TMEM11: variants seen among roughly 807,000 people sequenced by gnomAD.
The protein encoded by TMEM11 is transmembrane protein 11, mitochondrial.
TMEM11 carries 1 observed loss-of-function variant against 17.0 expected under a neutral mutation model. The observed-to-expected ratio is 0.06, with a 90% CI of 0.02 to 0.28. TMEM11 has a LOEUF of 0.28. Among genes scored for constraint, TMEM11 ranks in the 10% least tolerant of loss-of-function variants. The pLI is 1.00. For synonymous variants in TMEM11, 122 were observed against 118.1 expected (o/e 1.03, Z -0.21); for missense variants, 172 against 252.9 (o/e 0.68, Z 2.17).
chr17:21,203,106 G>A (rs930361780), intron 1 of TMEM11, among the ~76,000 whole-genome samples: 3 of 152,354 alleles, frequency 2.0e-5, no homozygotes, highest in Admixed American at 2.0e-4. Context: ...TAGGCAAAGG[G>A]AATCTCGGTT....
In TMEM11 at chr17:21,198,867, A is replaced by G. The variant is rs1974849271; in HGVS notation, c.63-27T>C. Reference sequence around the variant, plus strand: ...TTTTGATGGAGGGGGCAGGAAAGGGAGAGAGAGAGAGAGACAGGATGATTA... The same window carrying G: ...TTTTGATGGAGGGGGCAGGAAAGGGGGAGAGAGAGAGAGACAGGATGATTA... On this transcript the variant is annotated intron_variant, in intron 1 of 1. Transcript: ENST00000317635. The surrounding 1 kb of genome is among the most constrained non-coding windows in gnomAD (Gnocchi z 6.5). 2 of 1,271,208 alleles carry G rather than the reference A, an allele frequency of 1.6e-6. No homozygotes were observed. The highest frequency in any genetic ancestry group is 2.1e-6 in the Non-Finnish European group (2 of 950,086). 78.7% of individuals were successfully genotyped at this position (1,271,208 alleles called of 1,614,324 possible). A position where few individuals can be genotyped will look rare whatever the true frequency, so the allele number is the denominator to read the frequency against.
intron 1 of TMEM11, among the ~76,000 whole-genome samples, chr17:21,209,937 G>A (rs913251029): frequency 6.6e-6 from 1 of 152,204 alleles, no homozygotes; most frequent in Admixed American, 6.5e-5. Flanking sequence ...AGCTTTTCCT[G>A]AGAACTGTGC....
chr17:21,206,609 G>A (rs1393190721), intron 1 of TMEM11, among the ~76,000 whole-genome samples: 1 of 151,470 alleles, frequency 6.6e-6, no homozygotes, highest in African/African-American at 2.4e-5. Flanking sequence ...CAATCTCGGA[G>A]CACTGCAACC....
intron 1 of TMEM11, among the ~76,000 whole-genome samples, chr17:21,206,542 A>G (rs562139473): frequency 7.2e-5 from 11 of 151,804 alleles, no homozygotes; most frequent in South Asian, 2.1e-4. Flanking sequence ...TTATTTGTTT[A>G]TTTATTTTGT....
At chr17:21,209,182 G>A (rs1018748513) in intron 1 of TMEM11, among the ~76,000 whole-genome samples, 4 of 152,346 alleles carry the variant, frequency 2.6e-5, no homozygotes, top group South Asian at 2.1e-4. Context: ...CCTATTCTGC[G>A]CACTGGTAAC....
intron 1 of TMEM11, chr17:21,211,139 G>A (rs945024006): frequency 5.4e-6 from 7 of 1,289,880 alleles, no homozygotes; most frequent in Non-Finnish European, 6.1e-6. Flanking sequence ...TCTGTTTGAT[G>A]TGCTCGTTGC....
At chr17:21,211,243 T>C in intron 1 of TMEM11, 1 of 1,286,672 alleles carries the variant, frequency 7.8e-7, no homozygotes, top group Non-Finnish European at 1.0e-6. Context: ...TTTAATGGAG[T>C]GGAGAGAAAA....
intron 1 of TMEM11, chr17:21,211,362 A>C: frequency 3.3e-6 from 2 of 609,544 alleles, no homozygotes; most frequent in Non-Finnish European, 5.1e-6. Context: ...TCCTCCACCT[A>C]TGCTGTCCAA....
chr17:21,202,847 G>T (rs577538688), intron 1 of TMEM11, among the ~76,000 whole-genome samples: 5 of 152,216 alleles, frequency 3.3e-5, no homozygotes, highest in Non-Finnish European at 5.9e-5. Flanking sequence ...TGGACATGGG[G>T]GCACTCGCCA....
At chr17:21,202,618 T>C (rs965837763) in intron 1 of TMEM11, among the ~76,000 whole-genome samples, 1 of 105,478 alleles carries the variant, frequency 9.5e-6, no homozygotes, top group Admixed American at 9.6e-5. Context: ...CCCAGACCCC[T>C]CTGCAGGCTC....
At chr17:21,207,522 C>T (rs960834538) in intron 1 of TMEM11, among the ~76,000 whole-genome samples, 3 of 150,744 alleles carry the variant, frequency 2.0e-5, no homozygotes, top group Non-Finnish European at 3.0e-5. Context: ...AGTGAGAGTC[C>T]GTCTCAATAA....
chr17:21,211,607 A>ACACACAGCGCCGG (rs1479215586), intron 1 of TMEM11, among the ~76,000 whole-genome samples: 1 of 152,236 alleles, frequency 6.6e-6, no homozygotes, highest in Middle Eastern at 3.2e-3. Flanking sequence ...GGACCATCCA[A>ACACACAGCGCCGG]CACACAGCGC....
Position 21,198,963 on chromosome 17 carries a change from A to G in TMEM11, c.63-123T>C. On this transcript the variant is annotated intron_variant, in intron 1 of 1. Coordinates refer to ENST00000317635, the MANE Select transcript of TMEM11 (RefSeq NM_003876.3). This position sits in a 1 kb window ranked among gnomAD's most constrained non-coding sequence, Gnocchi z 6.5. ...GCCTGCACTGCGGAGAGCACATCTCACTTGGGTCCTCATCTCCTTTAAATC... is the reference window on the plus strand; with the variant it reads ...GCCTGCACTGCGGAGAGCACATCTCGCTTGGGTCCTCATCTCCTTTAAATC... 2 of 1,025,150 alleles carry G rather than the reference A, an allele frequency of 2.0e-6. No individual in the cohort carries two copies. The highest frequency in any genetic ancestry group is 3.3e-5 in the South Asian group (2 of 59,990). 63.5% of individuals were successfully genotyped at this position (1,025,150 alleles called of 1,614,324 possible).
Position 21,214,155 on chromosome 17 carries a change from T to G in TMEM11, c.-3A>C. 6.2e-7 allele frequency: 1 copy of G among 1,612,270 alleles called. No individual in the cohort carries two copies. The highest frequency in any genetic ancestry group is 8.5e-7 in the Non-Finnish European group (1 of 1,179,560). On this transcript the variant is annotated 5_prime_UTR_variant, in exon 1 of 2. Transcript: ENST00000317635. ...CGCCTCCTTCCCCAAGCGGCCATCT[T>G]GGAGACACTCTGCTTGCCAACGTCT... is the stretch of plus-strand genomic sequence containing the variant.
rs1361632809 is a variant in TMEM11, at chr17:21,207,436, G to A, written c.62+6655C>T. On this transcript the variant is annotated intron_variant, in intron 1 of 1. Coordinates refer to ENST00000317635, the MANE Select transcript of TMEM11 (RefSeq NM_003876.3). The stretch of plus-strand genomic sequence containing the variant: ...TCCCAGCTACTTGAGACTGAGGCAG[G>A]AGAATCGCTTGAACCCCGGAGGCAG... Among the ~76,000 whole-genome samples, 4 of 152,066 alleles carry A rather than the reference G, an allele frequency of 2.6e-5. 1 individual carries two copies. Among genetic ancestry groups the A allele is most frequent in the Non-Finnish European group, 5.9e-5 (4 of 67,984 alleles).
At chr17:21,211,144 C>T (rs868137534) in intron 1 of TMEM11, 39 of 1,289,702 alleles carry the variant, frequency 3.0e-5, no homozygotes, top group Non-Finnish European at 3.6e-5. Flanking sequence ...TTGATGTGCT[C>T]GTTGCCAGTG....
At chr17:21,205,669 C>T (rs1424330502) in intron 1 of TMEM11, among the ~76,000 whole-genome samples, 2 of 152,066 alleles carry the variant, frequency 1.3e-5, no homozygotes, top group Non-Finnish European at 2.9e-5. Flanking sequence ...TTTACCTTCC[C>T]AAACTGAAAC....
At chr17:21,206,666 A>T (rs1304797785) in intron 1 of TMEM11, among the ~76,000 whole-genome samples, 1 of 152,050 alleles carries the variant, frequency 6.6e-6, no homozygotes, top group South Asian at 2.1e-4. Flanking sequence ...CCTCCCAAGC[A>T]GCTGGGATTA....
rs1974840881 is a variant in TMEM11 at position 21,198,252 on chromosome 17, G to C, written c.*72C>G. The stretch of plus-strand genomic sequence containing the variant: ...TGCCCAGGCTCTGCTGCCTCACAGA[G>C]TGTGGCGATCTGAATACTCTGTTGT... On this transcript the variant is annotated 3_prime_UTR_variant, in exon 2 of 2. Coordinates refer to ENST00000317635, the MANE Select transcript of TMEM11 (RefSeq NM_003876.3). This position sits in a 1 kb window ranked among gnomAD's most constrained non-coding sequence, Gnocchi z 6.5. 6.5e-7 allele frequency: 1 copy of C among 1,527,996 alleles called. No homozygotes were observed. Among genetic ancestry groups the C allele is most frequent in the African/African-American group, 1.4e-5 (1 of 72,570 alleles). The allele number at this position is 1,527,996 out of a possible 1,614,324, so 94.7% of individuals were successfully genotyped here.
Sources: gnomAD v4.1 joint callset for allele counts (sites outside exome capture counted in the v4.1 genomes callset) on GRCh38, gnomAD v4.1.1 for gene constraint, Gnocchi (gnomAD v3.1) non-coding constraint, MANE v1.5 for transcripts, NCBI Gene and HGNC (gene_info 2026-07-23, HGNC 2026-07-21) for gene names.